The following TAF15 variants were observed in gnomAD, a reference collection of about 807,000 sequenced individuals.
TAF15 encodes TATA-binding protein-associated factor 2N.
A neutral mutation model predicts 102.5 loss-of-function variants in TAF15; 37 were observed. That is an observed-to-expected ratio of 0.36 (90% CI 0.28 to 0.47). The LOEUF is 0.47. Ranked by LOEUF, TAF15 falls within the 20% of genes least tolerant of loss-of-function variation. The pLI is 0.99. For missense variants in TAF15, 652 were observed against 760.7 expected (o/e 0.86, Z 1.68); for synonymous variants, 273 against 259.2 (o/e 1.05, Z -0.51).
At chr17:35,830,595 TGAA>T (rs1433721665) in intron 7 of TAF15, among the ~76,000 whole-genome samples, 6 of 152,214 alleles carry the variant, frequency 3.9e-5, no homozygotes, top group African/African-American at 7.2e-5. Flanking sequence ...TAGTACTACT[TGAA>T]GGTTATTTTC....
chr17:35,846,925 C>G lies in TAF15; in HGVS notation c.1759C>G (p.Gln587Glu). 1 of 1,614,176 alleles carries G rather than the reference C, an allele frequency of 6.2e-7. No individual in the cohort carries two copies. The highest frequency in any genetic ancestry group is 8.5e-7 in the Non-Finnish European group (1 of 1,180,024). ...TCCTAGAAACGACTACAGAAATGAT[C>G]AGCGCAACCGACCATACTGATGACT... ...MGGRNDYRND[Q>E]RNRPY The change falls in exon 16 of 16, where the codon CAG becomes GAG. Residue 587 changes from glutamine to glutamate, a missense_variant. Coordinates refer to ENST00000605844, the MANE Select transcript of TAF15 (RefSeq NM_139215.3).
In TAF15 at chr17:35,812,268, T is replaced by G. The variant is rs962192761; in HGVS notation, c.7+2692T>G. Among the ~76,000 whole-genome samples, 4 of 152,128 alleles carry G rather than the reference T, an allele frequency of 2.6e-5. No individual in the cohort carries two copies. The East Asian group carries it at 5.8e-4, about 22-fold the overall frequency. ...AAGACAAATTAACGTAAAAATGGTT[T>G]CTGGGCTGGTAATACCCTTGGTGTT... On this transcript the variant is annotated intron_variant, in intron 1 of 15. Coordinates refer to ENST00000605844, the MANE Select transcript of TAF15 (RefSeq NM_139215.3).
intron 11 of TAF15, 70 bp from the exon 12 acceptor site, chr17:35,842,297 C>CT: frequency 8.2e-7 from 1 of 1,213,058 alleles, no homozygotes. Flanking sequence ...ATTTCCAAGA[C>CT]TTTTTCATTT....
chr17:35,824,032 T>C, intron 6 of TAF15, 46 bp from the exon 7 acceptor site: 1 of 1,613,816 alleles, frequency 6.2e-7, no homozygotes, highest in South Asian at 1.1e-5. Flanking sequence ...TTTGAAGCTT[T>C]AGAAATGAGA....
Position 35,828,421 on chromosome 17 carries a change from C to G in TAF15, c.605+4223C>G, listed in dbSNP as rs2087356615. Among the ~76,000 whole-genome samples the G allele has an allele frequency of 2.0e-5, 3 of 152,166 alleles. No homozygotes were observed. In the South Asian group the frequency reaches 6.2e-4, roughly 32 times the overall value. On this transcript the variant is annotated intron_variant, in intron 7 of 15. Coordinates refer to ENST00000605844, the MANE Select transcript of TAF15 (RefSeq NM_139215.3). ...TTAACTCAATATATTCAAAATATTT[C>G]ATCATGCAATCAATATAAAAAATTT...
chr17:35,844,613 CGGAGATAGAAGTGGGGGCGGCTATGGT>C lies in TAF15; in HGVS notation c.1320_1346del (p.Ser451_Arg459del), dbSNP rs1410671928. 4.8e-5 allele frequency: 73 copies of C among 1,532,652 alleles called. No homozygotes were observed. The highest frequency in any genetic ancestry group is 2.4e-4 in the Admixed American group (12 of 50,454). The allele number at this position is 1,532,652 out of a possible 1,614,324, so 94.9% of individuals were successfully genotyped here. A position where few individuals can be genotyped will look rare whatever the true frequency, so the allele number is the denominator to read the frequency against. On this transcript the variant is annotated inframe_deletion, in exon 15 of 16. Transcript: ENST00000605844. ...ACAGAAGCAGCGGTGGTGGCTACAGCGGAGATAGAAGTGGGGGCGGCTATGGTGGAGACAGAAGTGGGGGTGGCTATG... is the reference window on the plus strand; with the variant it reads ...ACAGAAGCAGCGGTGGTGGCTACAGCGGAGACAGAAGTGGGGGTGGCTATG...
At chr17:35,817,077 A>T (rs1305397778) in intron 1 of TAF15, 1 of 152,134 alleles carries the variant, frequency 6.6e-6, no homozygotes, top group African/African-American at 2.4e-5. Flanking sequence ...TAGTGCTGGG[A>T]TTGTGTGAGC....
At position 35,820,153 on chromosome 17, in the gene TAF15, C is replaced by G. The variant is rs1334321159; in HGVS notation, c.100-11C>G. ...TAGGTGATGAAACTTGAGTATTTAC[C>G]TAAATTTCAGAGCTATTCTGGCTAT... On this transcript the variant is annotated splice_polypyrimidine_tract_variant and intron_variant, in intron 3 of 15. Coordinates refer to ENST00000605844, the MANE Select transcript of TAF15 (RefSeq NM_139215.3). 2 of 1,613,730 alleles carry G rather than the reference C, an allele frequency of 1.2e-6. No individual in the cohort carries two copies. The highest frequency in any genetic ancestry group is 1.3e-5 in the African/African-American group (1 of 74,892).
At chr17:35,820,821 T>G (rs1298588600) in intron 5 of TAF15, among the ~76,000 whole-genome samples, 1 of 152,188 alleles carries the variant, frequency 6.6e-6, no homozygotes, top group African/African-American at 2.4e-5. Flanking sequence ...AAAATATTTT[T>G]TAAAAGGGTC....
At chr17:35,818,983 A>G (rs2087226852) in intron 2 of TAF15, among the ~76,000 whole-genome samples, 1 of 152,136 alleles carries the variant, frequency 6.6e-6, no homozygotes, top group South Asian at 2.1e-4. Context: ...AGTAAAAAGG[A>G]AGTTCTATTT....
chr17:35,842,378 C>G lies in TAF15; in HGVS notation c.925C>G (p.His309Asp). The change falls in exon 12 of 16, where the codon CAT becomes GAT. Residue 309 changes from histidine (H) to aspartate (D), a missense_variant. Coordinates refer to ENST00000605844, the MANE Select transcript of TAF15 (RefSeq NM_139215.3). The stretch of plus-strand genomic sequence containing the variant: ...TTCTTTTTTCTTAGGAAAAGAATTC[C>G]ATGGCAACATCATTAAAGTGTCCTT... ...AIDWFDGKEF[H>D]GNIIKVSFAT... The G allele has an allele frequency of 6.2e-7, 1 of 1,613,590 alleles. No individual in the cohort carries two copies. The highest frequency in any genetic ancestry group is 8.5e-7 in the Non-Finnish European group (1 of 1,179,652).
chr17:35,834,162 C>T (rs1438513822), intron 8 of TAF15: 6 of 361,466 alleles, frequency 1.7e-5, no homozygotes, highest in Non-Finnish European at 2.9e-5. Context: ...AATGGGTTTT[C>T]TACACAGTGA....
At chr17:35,821,727 C>T (rs1379595105) in intron 5 of TAF15, among the ~76,000 whole-genome samples, 1 of 152,062 alleles carries the variant, frequency 6.6e-6, no homozygotes, top group Non-Finnish European at 1.5e-5. Context: ...TAGAATTTTC[C>T]TTTCAAATCG....
chr17:35,811,454 A>G (rs1045513288), intron 1 of TAF15: 5 of 152,226 alleles, frequency 3.3e-5, no homozygotes, highest in African/African-American at 1.2e-4. Context: ...TAGACTCTTT[A>G]TATTCTTAGG....
intron 9 of TAF15, among the ~76,000 whole-genome samples, chr17:35,835,677 T>G (rs771423825): frequency 6.6e-6 from 1 of 152,254 alleles, no homozygotes; most frequent in Non-Finnish European, 1.5e-5. Context: ...TTGCAATGAA[T>G]GGGAAACCAG....
At chr17:35,820,276 T>G (rs1165060303) in intron 4 of TAF15, 28 bp downstream of exon 4, 15 of 1,613,804 alleles carry the variant, frequency 9.3e-6, no homozygotes, top group Non-Finnish European at 1.2e-5. Flanking sequence ...AATTTGTTGT[T>G]TCAGAGATTG....
intron 1 of TAF15, among the ~76,000 whole-genome samples, chr17:35,812,591 A>AAAAAAAAAAAAAAAAAAG (rs2087137678): frequency 6.8e-6 from 1 of 146,170 alleles, no homozygotes; most frequent in African/African-American, 2.4e-5. Context: ...CTCAAAAAAA[A>AAAAAAAAAAAAAAAAAAG]AAAAAAAAAA....
At chr17:35,840,650 G>A (rs1036416237) in intron 11 of TAF15, among the ~76,000 whole-genome samples, 1 of 151,980 alleles carries the variant, frequency 6.6e-6, no homozygotes, top group African/African-American at 2.4e-5. Context: ...TGGATCACAA[G>A]GTCAGGAGTT....
At chr17:35,828,749 C>T (rs1461786164) in intron 7 of TAF15, among the ~76,000 whole-genome samples, 2 of 151,224 alleles carry the variant, frequency 1.3e-5, no homozygotes, top group Admixed American at 1.3e-4. Context: ...TTCCATTTCC[C>T]CCTCCGCCCC....
Sources: allele counts gnomAD v4.1 joint callset (sites outside exome capture counted in the v4.1 genomes callset), GRCh38; gene constraint gnomAD v4.1.1; transcripts MANE v1.5; gene names NCBI Gene and HGNC (gene_info 2026-07-23, HGNC 2026-07-21).